The following PI3 variants were observed in gnomAD, a reference collection of about 807,000 sequenced individuals.
The protein encoded by PI3 is peptidase inhibitor 3.
In PI3, 4 loss-of-function variants were observed where a neutral mutation model predicts 6.0. The observed-to-expected ratio is 0.67, with a 90% confidence interval of 0.33 to 1.54. The LOEUF is 1.54. Among genes scored for constraint, PI3 ranks in the 40% most tolerant of loss-of-function variants. The pLI is 0.06. For synonymous variants in PI3, 58 were observed against 56.9 expected, an observed-to-expected ratio of 1.02 and a Z score of -0.09; for missense variants, 149 against 147.6, an observed-to-expected ratio of 1.01 and a Z score of -0.05.
Position 45,175,062 on chromosome 20 carries a change from C to T in PI3, c.79+61C>T, listed in dbSNP as rs886326114. 15 of 1,364,518 alleles carry T rather than the reference C, an allele frequency of 1.1e-5. No individual in the cohort carries two copies. In the East Asian group the frequency reaches 1.2e-4, roughly 11 times the overall value. The allele number at this position is 1,364,518 out of a possible 1,614,324, so 84.5% of individuals were successfully genotyped here. On this transcript the variant is annotated intron_variant, in intron 1 of 2. Transcript: ENST00000243924. ...CTAAGGGGAGACCCTCTGGGACACCCTGGGCCAGGACAGGGAGCACTTCTG... is the reference window on the plus strand; with the variant it reads ...CTAAGGGGAGACCCTCTGGGACACCTTGGGCCAGGACAGGGAGCACTTCTG...
chr20:45,176,525 A>T lies in PI3; in HGVS notation c.*157A>T, dbSNP rs1982798795. On this transcript the variant is annotated 3_prime_UTR_variant, in exon 3 of 3. Coordinates refer to ENST00000243924, the MANE Select transcript of PI3 (RefSeq NM_002638.4). ...CTGCCTCTCTCATCCACTTTCCAAT[A>T]AAGAGTTCCTTCTGCTCCACTTGTT... 1 of 214,688 alleles carries T rather than the reference A, an allele frequency of 4.7e-6. No homozygotes were observed. The allele number at this position is 214,688 out of a possible 1,614,324, so 13.3% of individuals were successfully genotyped here. A position where few individuals can be genotyped will look rare whatever the true frequency, so the allele number is the denominator to read the frequency against.
chr20:45,176,218 G>T, intron 2 of PI3, 82 bp downstream of exon 2: 1 of 1,447,116 alleles, frequency 6.9e-7, no homozygotes, highest in African/African-American at 1.4e-5. Context: ...AGGTTGGTGG[G>T]AGGGAGGTTG....
rs74739197 is a variant in PI3 at position 45,175,893 on chromosome 20, C to A, written c.112C>A (p.Arg38Ser). The change falls in exon 2 of 3, where the codon CGT (arginine) becomes AGT (serine). Residue 38 changes from arginine (R) to serine (S), a missense_variant. Coordinates refer to ENST00000243924, the MANE Select transcript of PI3 (RefSeq NM_002638.4). ...PVKGQDTVKG[R>S]VPFNGQDPVK... ...TAAAGGTCAAGACACTGTCAAAGGC[C>A]GTGTTCCATTCAATGGACAAGATCC... The A allele has an allele frequency of 6.2e-7, 1 of 1,613,924 alleles. No homozygotes were observed. Among genetic ancestry groups the A allele is most frequent in the African/African-American group, 1.3e-5 (1 of 74,902 alleles).
chr20:45,174,939 T>C lies in PI3; in HGVS notation c.17T>C (p.Phe6Ser). Reference protein sequence around the residue: MRASSFLIVVVFLIAG... With the variant: MRASSSLIVVVFLIAG... ...CCTGACACCATGAGGGCCAGCAGCT[T>C]CTTGATCGTGGTGGTGTTCCTCATC... Residue 6 changes from phenylalanine to serine, a missense_variant, in exon 1 of 3, where the codon TTC becomes TCC. By Grantham distance (155) the Phe-to-Ser change is radical (BLOSUM62 -2). Transcript: ENST00000243924. The C allele has an allele frequency of 6.2e-7, 1 of 1,612,938 alleles. No homozygotes were observed. The highest frequency in any genetic ancestry group is 8.5e-7 in the Non-Finnish European group (1 of 1,179,228).
intron 1 of PI3, 84 bp downstream of exon 1, chr20:45,175,085 C>A: frequency 1.1e-6 from 1 of 915,930 alleles, no homozygotes; most frequent in Non-Finnish European, 1.7e-6. Context: ...GGGAGCACTT[C>A]TGAAGCAGTA....
intron 1 of PI3, 37 bp downstream of exon 1, chr20:45,175,038 T>A (rs374354319): frequency 1.3e-6 from 2 of 1,551,598 alleles, no homozygotes; most frequent in African/African-American, 1.4e-5. Context: ...TGGGTTGGAC[T>A]AAGGGGAGAC....
In PI3 at chr20:45,175,740, C is replaced by G. The variant is rs550021882; in HGVS notation, c.80-121C>G. ...CTCCCAGAGGTGTACCTTCCCTACTCAGGCCATGGTTTGAGGATGCTGCAG... is the reference window on the plus strand; with the variant it reads ...CTCCCAGAGGTGTACCTTCCCTACTGAGGCCATGGTTTGAGGATGCTGCAG... On this transcript the variant is annotated intron_variant, in intron 1 of 2. Coordinates refer to ENST00000243924, the MANE Select transcript of PI3 (RefSeq NM_002638.4). 178 of 1,023,686 alleles carry G rather than the reference C, an allele frequency of 1.7e-4. No individual in the cohort carries two copies. The African/African-American group carries it at 2.7e-3, about 16-fold the overall frequency. The allele number at this position is 1,023,686 out of a possible 1,614,324, so 63.4% of individuals were successfully genotyped here. A position where few individuals can be genotyped will look rare whatever the true frequency, so the allele number is the denominator to read the frequency against.
chr20:45,176,474 C>T lies in PI3; in HGVS notation c.*106C>T. On this transcript the variant is annotated 3_prime_UTR_variant, in exon 3 of 3. Coordinates refer to ENST00000243924, the MANE Select transcript of PI3 (RefSeq NM_002638.4). Reference sequence around the variant, plus strand: ...CCTTCCCACACTGTCCATTCTTCCTCCCATTCAGGATGCCCACGGCTGGAG... The same window carrying T: ...CCTTCCCACACTGTCCATTCTTCCTTCCATTCAGGATGCCCACGGCTGGAG... The T allele has an allele frequency of 7.0e-6, 2 of 285,868 alleles. No homozygotes were observed. Among genetic ancestry groups the T allele is most frequent in the Non-Finnish European group, 1.3e-5 (2 of 150,506 alleles). 17.7% of individuals were successfully genotyped at this position (285,868 alleles called of 1,614,324 possible).
rs146968923 is a variant in PI3, at chr20:45,176,272, C to T, written c.*2-98C>T. Reference sequence around the variant, plus strand: ...CTGGGAGACTGAGGGGTCTGAGAGGCTATAACCAGAGTGCCTAGAAGGATG... The same window carrying T: ...CTGGGAGACTGAGGGGTCTGAGAGGTTATAACCAGAGTGCCTAGAAGGATG... On this transcript the variant is annotated intron_variant, in intron 2 of 2. Transcript: ENST00000243924. 46 of 790,900 alleles carry T rather than the reference C, an allele frequency of 5.8e-5. 1 individual carries two copies. The Middle Eastern group carries it at 2.6e-3, about 45-fold the overall frequency. The allele number at this position is 790,900 out of a possible 1,614,324, so 49.0% of individuals were successfully genotyped here.
intron 1 of PI3, 31 bp from the exon 2 acceptor site, chr20:45,175,830 A>G (rs1982778648): frequency 6.2e-7 from 1 of 1,610,754 alleles, no homozygotes; most frequent in Non-Finnish European, 8.5e-7. Context: ...CTTACTGGGT[A>G]TAAATGTGGG....
chr20:45,175,237 G>A (rs1016864736), intron 1 of PI3, among the ~76,000 whole-genome samples: 1 of 152,204 alleles, frequency 6.6e-6, no homozygotes, highest in Non-Finnish European at 1.5e-5. Flanking sequence ...ATGTTGGTAT[G>A]TGGCCTTGGC....
chr20:45,175,010 A>G lies in PI3; in HGVS notation c.79+9A>G. ...GGCAGCTGTCACGGGAGGTGAGTGAACAGGTGACCTGCTGGGCTGGGTTGG... is the reference window on the plus strand; with the variant it reads ...GGCAGCTGTCACGGGAGGTGAGTGAGCAGGTGACCTGCTGGGCTGGGTTGG... On this transcript the variant is annotated intron_variant, in intron 1 of 2. Coordinates refer to ENST00000243924, the MANE Select transcript of PI3 (RefSeq NM_002638.4). 1.2e-6 allele frequency: 2 copies of G among 1,608,310 alleles called. No homozygotes were observed. The highest frequency in any genetic ancestry group is 1.7e-6 in the Non-Finnish European group (2 of 1,176,118).
At chr20:45,175,491 C>G (rs16989785) in intron 1 of PI3, among the ~76,000 whole-genome samples, 6,967 of 152,210 alleles carry the variant, frequency 0.046, 280 homozygotes, top group African/African-American at 0.096. Flanking sequence ...ATTCCCAGAG[C>G]CAGGATGGGG....
intron 1 of PI3, 39 bp from the exon 2 acceptor site, chr20:45,175,822 T>C: frequency 6.2e-7 from 1 of 1,606,052 alleles, no homozygotes; most frequent in Non-Finnish European, 8.5e-7. Flanking sequence ...AGCAGAGGCT[T>C]ACTGGGTATA....
chr20:45,176,192 G>T lies in PI3; in HGVS notation c.*1+56G>T, dbSNP rs781392775. Reference sequence around the variant, plus strand: ...CTGAAGACACAAAAGAAGGCTGAGCGGTGGGGAAGCATCCCAGGTTGGTGG... The same window carrying T: ...CTGAAGACACAAAAGAAGGCTGAGCTGTGGGGAAGCATCCCAGGTTGGTGG... On this transcript the variant is annotated intron_variant, in intron 2 of 2. Transcript: ENST00000243924. The T allele has an allele frequency of 4.5e-6, 7 of 1,571,334 alleles. No homozygotes were observed. In the African/African-American group the frequency reaches 9.5e-5, roughly 21 times the overall value.
intron 1 of PI3, 104 bp from the exon 2 acceptor site, chr20:45,175,757 A>T: frequency 8.5e-7 from 1 of 1,176,006 alleles, no homozygotes; most frequent in Non-Finnish European, 1.2e-6. Flanking sequence ...TGGTTTGAGG[A>T]TGCTGCAGTA....
chr20:45,175,828 G>A (rs1982778557), intron 1 of PI3, 33 bp from the exon 2 acceptor site: 3 of 1,610,064 alleles, frequency 1.9e-6, no homozygotes, highest in African/African-American at 1.3e-5. Context: ...GGCTTACTGG[G>A]TATAAATGTG....
At chr20:45,175,736 T>G (rs1434922920) in intron 1 of PI3, 125 bp from the exon 2 acceptor site, 1 of 984,548 alleles carries the variant, frequency 1.0e-6, no homozygotes, top group Non-Finnish European at 1.6e-6. Flanking sequence ...GTACCTTCCC[T>G]ACTCAGGCCA....
At chr20:45,175,030 G>A (rs576320676) in intron 1 of PI3, 29 bp downstream of exon 1, 2 of 1,589,938 alleles carry the variant, frequency 1.3e-6, no homozygotes, top group African/African-American at 2.7e-5. Context: ...TGCTGGGCTG[G>A]GTTGGACTAA....
Sources: allele counts gnomAD v4.1 joint callset (sites outside exome capture counted in the v4.1 genomes callset), GRCh38; gene constraint gnomAD v4.1.1; transcripts MANE v1.5; gene names NCBI Gene and HGNC (gene_info 2026-07-23, HGNC 2026-07-21).